Variants in CPNE8 observed in about 807,000 individuals in gnomAD.
The protein encoded by CPNE8 is copine-8.
A neutral mutation model predicts 81.5 loss-of-function variants in CPNE8; 45 were observed. That is an observed-to-expected ratio of 0.55 (90% CI 0.44 to 0.71). The LOEUF (loss-of-function observed/expected upper bound fraction) is 0.71, where lower values mean the gene tolerates loss of function less well. CPNE8 is among the 30% of genes least tolerant of loss of function. The pLI is 0.00. For synonymous variants in CPNE8, 252 were observed against 226.3 expected, an observed-to-expected ratio of 1.11 and a Z score of -1.02; for missense variants, 594 against 672.1, an observed-to-expected ratio of 0.88 and a Z score of 1.28.
intron 6 of CPNE8, among the ~76,000 whole-genome samples, chr12:38,794,963 A>G (rs1270288136): frequency 6.6e-6 from 1 of 152,178 alleles, no homozygotes; most frequent in African/African-American, 2.4e-5. Context: ...AGAAAGTGGG[A>G]GACCCTTACT....
At chr12:38,773,673 T>C (rs774566843) in intron 7 of CPNE8, among the ~76,000 whole-genome samples, 2 of 152,174 alleles carry the variant, frequency 1.3e-5, no homozygotes, top group Non-Finnish European at 2.9e-5. Context: ...ATTTTTATGA[T>C]GTTGTAGGTG....
chr12:38,656,973 G>A (rs1938835550), intron 19 of CPNE8, among the ~76,000 whole-genome samples: 1 of 152,120 alleles, frequency 6.6e-6, no homozygotes, highest in Non-Finnish European at 1.5e-5. Context: ...ACAGAAGATG[G>A]GTGATTTCTG....
chr12:38,898,500 C>T (rs766973317), intron 1 of CPNE8, among the ~76,000 whole-genome samples: 11 of 152,270 alleles, frequency 7.2e-5, no homozygotes, highest in South Asian at 2.1e-4. Flanking sequence ...TAGGATGTTA[C>T]GGTCTACAAC....
At chr12:38,858,956 T>C (rs764208448) in intron 3 of CPNE8, among the ~76,000 whole-genome samples, 8 of 152,294 alleles carry the variant, frequency 5.3e-5, no homozygotes, top group African/African-American at 1.2e-4. Flanking sequence ...TACCTGAACA[T>C]GTCAAAACCA....
At chr12:38,723,710 C>G (rs926391253) in intron 13 of CPNE8, 62 bp downstream of exon 13, 11 of 989,002 alleles carry the variant, frequency 1.1e-5, no homozygotes, top group Non-Finnish European at 1.8e-5. Context: ...CTCGTGGTAG[C>G]GCTTGTTACA....
At chr12:38,813,490 G>A (rs980334519) in intron 6 of CPNE8, among the ~76,000 whole-genome samples, 53 of 152,154 alleles carry the variant, frequency 3.5e-4, no homozygotes, top group African/African-American at 1.3e-3. Flanking sequence ...AGGTATAAAT[G>A]ATAAATTCAA....
intron 10 of CPNE8, among the ~76,000 whole-genome samples, chr12:38,735,037 T>C (rs2069210): frequency 0.1 from 15,625 of 152,120 alleles, 1,015 homozygotes; most frequent in East Asian, 0.25. Flanking sequence ...AAACAAATTG[T>C]ATGTGAAAGA....
intron 6 of CPNE8, among the ~76,000 whole-genome samples, chr12:38,805,852 C>T (rs1231242807): frequency 2.0e-5 from 3 of 149,078 alleles, no homozygotes; most frequent in African/African-American, 7.3e-5. Context: ...ATTGATAGAC[C>T]ACTAGCAAGA....
At chr12:38,816,141 A>G (rs1349064080) in intron 6 of CPNE8, among the ~76,000 whole-genome samples, 1 of 152,178 alleles carries the variant, frequency 6.6e-6, no homozygotes, top group African/African-American at 2.4e-5. Flanking sequence ...TGTATTTTTA[A>G]AGTCTGAATT....
intron 10 of CPNE8, among the ~76,000 whole-genome samples, chr12:38,737,520 G>A (rs1312320425): frequency 2.6e-5 from 4 of 152,046 alleles, no homozygotes; most frequent in Non-Finnish European, 5.9e-5. Context: ...CTGGGCCAAT[G>A]CTAAATATAG....
chr12:38,764,565 C>A (rs1463881388), intron 8 of CPNE8, among the ~76,000 whole-genome samples: 1 of 136,124 alleles, frequency 7.3e-6, no homozygotes, highest in Non-Finnish European at 1.5e-5. Context: ...TGCAGTGAGC[C>A]GAGATCCCGC....
At chr12:38,714,353 A>C (rs1195883326) in intron 13 of CPNE8, among the ~76,000 whole-genome samples, 1 of 152,100 alleles carries the variant, frequency 6.6e-6, no homozygotes, top group Non-Finnish European at 1.5e-5. Context: ...ATTACTAAAT[A>C]ATCTCCAATT....
chr12:38,866,787 C>T (rs778879919), intron 3 of CPNE8, among the ~76,000 whole-genome samples: 15 of 152,050 alleles, frequency 9.9e-5, no homozygotes, highest in Non-Finnish European at 1.8e-4. Context: ...GAAACCATGA[C>T]GTTAAACTGT....
At chr12:38,689,944 CT>C (rs1939637277) in intron 15 of CPNE8, among the ~76,000 whole-genome samples, 1 of 152,150 alleles carries the variant, frequency 6.6e-6, no homozygotes, top group Admixed American at 6.6e-5. Flanking sequence ...GAAATTCTTC[CT>C]TTCCTCTCCC....
At chr12:38,782,238 CAAGGTCAATA>C (rs1188172729) in intron 6 of CPNE8, among the ~76,000 whole-genome samples, 1 of 151,938 alleles carries the variant, frequency 6.6e-6, no homozygotes, top group East Asian at 1.9e-4. Flanking sequence ...TGAAACAATG[CAAGGTCAATA>C]AAAGACAAAG....
chr12:38,810,782 G>T (rs1942919906), intron 6 of CPNE8, among the ~76,000 whole-genome samples: 1 of 151,992 alleles, frequency 6.6e-6, no homozygotes. Context: ...TTTTTATCTA[G>T]TGGATCTGAG....
At chr12:38,724,243 G>T (rs781282691) in intron 12 of CPNE8, among the ~76,000 whole-genome samples, 6 of 152,150 alleles carry the variant, frequency 3.9e-5, no homozygotes, top group African/African-American at 7.2e-5. Context: ...TATTTTAACT[G>T]TCTTGCTTTA....
At chr12:38,882,105 T>G (rs1330439589) in intron 1 of CPNE8, among the ~76,000 whole-genome samples, 4 of 152,172 alleles carry the variant, frequency 2.6e-5, no homozygotes, top group Non-Finnish European at 5.9e-5. Flanking sequence ...TGTGACCTTA[T>G]TTGGAAGAGG....
At position 38,902,349 on chromosome 12, in the gene CPNE8, AAAG is replaced by A. The variant is rs1237585351; in HGVS notation, c.98+3085_98+3087del. On this transcript the variant is annotated intron_variant, in intron 1 of 19. Transcript: ENST00000331366. ...GAAAGAAAGAAAGAAAGAAAGAAAGAAAGAAAGAAAGAAAGAAAGAAAGAAAGA... is the reference window on the plus strand; with the variant it reads ...GAAAGAAAGAAAGAAAGAAAGAAAGAAAAGAAAGAAAGAAAGAAAGAAAGA... 1.5e-4 allele frequency among the ~76,000 whole-genome samples: 13 copies of A among 89,288 alleles called. 1 individual carries two copies. Among genetic ancestry groups the A allele is most frequent in the East Asian group, 1.2e-3 (4 of 3,364 alleles). The allele number at this position is 89,288 out of a possible 152,430, so 58.6% of individuals were successfully genotyped here. A position where few individuals can be genotyped will look rare whatever the true frequency, so the allele number is the denominator to read the frequency against.
Sources: allele counts gnomAD v4.1 joint callset (sites outside exome capture counted in the v4.1 genomes callset), GRCh38; gene constraint gnomAD v4.1.1; transcripts MANE v1.5; gene names NCBI Gene and HGNC (gene_info 2026-07-23, HGNC 2026-07-21).